The following ROBO2 variants were observed in gnomAD, a reference collection of about 807,000 sequenced individuals.
ROBO2 encodes the protein roundabout guidance receptor 2.
In ROBO2, 53 loss-of-function variants were observed where a neutral mutation model predicts 160.8. The ratio of observed to expected loss-of-function variants is 0.33; its 90% CI spans 0.26 to 0.41. The LOEUF (loss-of-function observed/expected upper bound fraction) is 0.41, where lower values mean the gene tolerates loss of function less well. Ranked by LOEUF, ROBO2 falls within the 10% of genes least tolerant of loss-of-function variation. The pLI, the probability that ROBO2 is intolerant of heterozygous loss-of-function variation, is 1.00. For synonymous variants in ROBO2, 664 were observed against 611.7 expected (o/e 1.09, Z -1.26); for missense variants, 1,577 against 1,722.4 (o/e 0.92, Z 1.49).
intron 2 of ROBO2, among the ~76,000 whole-genome samples, chr3:77,418,872 G>A (rs540447740): frequency 1.3e-5 from 2 of 152,110 alleles, no homozygotes; most frequent in South Asian, 2.1e-4. Flanking sequence ...TGCAGATTAT[G>A]AAGGAAGACC....
chr3:76,472,634 T>G (rs2078726570), intron 2 of ROBO2, among the ~76,000 whole-genome samples: 2 of 152,210 alleles, frequency 1.3e-5, no homozygotes, highest in African/African-American at 4.8e-5. Context: ...ATCTTTAATT[T>G]TTTACCCACT....
chr3:76,517,175 G>A (rs937204094), intron 2 of ROBO2, among the ~76,000 whole-genome samples: 1 of 152,106 alleles, frequency 6.6e-6, no homozygotes, highest in Non-Finnish European at 1.5e-5. Context: ...GCGTGCATGT[G>A]AATATATATT....
intron 2 of ROBO2, among the ~76,000 whole-genome samples, chr3:76,425,194 CT>C (rs929761945): frequency 0.015 from 2,178 of 148,710 alleles, 46 homozygotes; most frequent in African/African-American, 0.051. Context: ...AGGATTCTGC[CT>C]TTTTTTTTTC....
intron 2 of ROBO2, among the ~76,000 whole-genome samples, chr3:77,138,052 C>G (rs7433243): frequency 0.039 from 6,009 of 152,148 alleles, 158 homozygotes; most frequent in South Asian, 0.077. Flanking sequence ...CTACCAGGAA[C>G]CTTCCTTCTT....
intron 2 of ROBO2, among the ~76,000 whole-genome samples, chr3:76,256,991 G>A (rs996486239): frequency 1.3e-5 from 2 of 151,876 alleles, no homozygotes. Flanking sequence ...ACTCACTACC[G>A]AGAGGACAGC....
intron 2 of ROBO2, among the ~76,000 whole-genome samples, chr3:76,752,531 G>C (rs1349554025): frequency 6.6e-6 from 1 of 151,750 alleles, no homozygotes; most frequent in Non-Finnish European, 1.5e-5. Flanking sequence ...TAGTCCAGAA[G>C]TGTTCAAGAT....
chr3:76,442,557 G>C (rs948435312), intron 2 of ROBO2, among the ~76,000 whole-genome samples: 1 of 152,070 alleles, frequency 6.6e-6, no homozygotes, highest in African/African-American at 2.4e-5. Context: ...CTTTATTCAC[G>C]GTTTCACTTT....
At chr3:76,429,732 A>G (rs1486873210) in intron 2 of ROBO2, among the ~76,000 whole-genome samples, 1 of 152,202 alleles carries the variant, frequency 6.6e-6, no homozygotes, top group East Asian at 1.9e-4. Flanking sequence ...TGCAACTTCA[A>G]CATTCTTCAA....
intron 19 of ROBO2, among the ~76,000 whole-genome samples, chr3:77,598,438 T>TATATATATATTTATTTATATAGA (rs1559695546): frequency 2.7e-5 from 4 of 147,408 alleles, no homozygotes; most frequent in African/African-American, 9.9e-5. Flanking sequence ...TAGATGAATA[T>TATATATATATTTATTTATATAGA]ATATATATAT....
chr3:77,512,220 T>C (rs1253993386), intron 5 of ROBO2, among the ~76,000 whole-genome samples: 3 of 151,970 alleles, frequency 2.0e-5, no homozygotes, highest in Admixed American at 6.6e-5. Context: ...GAAAGCATCA[T>C]ATGGAATTAG....
intron 2 of ROBO2, among the ~76,000 whole-genome samples, chr3:76,002,099 A>T (rs1030269337): frequency 6.6e-6 from 1 of 152,148 alleles, no homozygotes; most frequent in Non-Finnish European, 1.5e-5. Flanking sequence ...CCCTTCAGCA[A>T]ATAATGAGGC....
intron 2 of ROBO2, among the ~76,000 whole-genome samples, chr3:77,337,894 A>G (rs893201407): frequency 2.0e-5 from 3 of 152,178 alleles, no homozygotes; most frequent in African/African-American, 7.2e-5. Flanking sequence ...TCCTTGGCAG[A>G]AAACATTCCA....
chr3:76,398,241 T>C (rs13087589), intron 2 of ROBO2, among the ~76,000 whole-genome samples: 18,428 of 149,400 alleles, frequency 0.12, 1,221 homozygotes, highest in Non-Finnish European at 0.15. Flanking sequence ...AACCAAACAC[T>C]GCATGTTCTC....
intron 2 of ROBO2, among the ~76,000 whole-genome samples, chr3:76,033,959 C>CAA (rs1235242967): frequency 1.3e-5 from 2 of 152,170 alleles, no homozygotes; most frequent in African/African-American, 2.4e-5. Context: ...TACCTGAGCT[C>CAA]AAAAGTCCTA....
intron 2 of ROBO2, among the ~76,000 whole-genome samples, chr3:76,509,988 G>A (rs1265225234): frequency 6.6e-6 from 1 of 151,944 alleles, no homozygotes; most frequent in Non-Finnish European, 1.5e-5. Flanking sequence ...ACTCTCCCAG[G>A]CCCATTCAGG....
chr3:76,967,824 C>T (rs1478608365), intron 2 of ROBO2, among the ~76,000 whole-genome samples: 2 of 152,090 alleles, frequency 1.3e-5, no homozygotes, highest in East Asian at 3.9e-4. Context: ...GGTTTATAGG[C>T]CTGAGCCGTG....
At chr3:76,216,243 C>G (rs907280685) in intron 2 of ROBO2, among the ~76,000 whole-genome samples, 4 of 152,148 alleles carry the variant, frequency 2.6e-5, no homozygotes, top group Non-Finnish European at 5.9e-5. Flanking sequence ...TAGGAAGAAA[C>G]TGCATCAACT....
At chr3:76,266,856 A>G (rs1047347306) in intron 2 of ROBO2, among the ~76,000 whole-genome samples, 2 of 152,162 alleles carry the variant, frequency 1.3e-5, no homozygotes, top group East Asian at 1.9e-4. Flanking sequence ...GTAAAACCCC[A>G]TGTATTAAGT....
chr3:76,204,267 G>T (rs997703852), intron 2 of ROBO2, among the ~76,000 whole-genome samples: 16 of 152,066 alleles, frequency 1.1e-4, no homozygotes, highest in Non-Finnish European at 1.2e-4. Flanking sequence ...GAATTGAGGA[G>T]AAAATAATAA....
Sources: allele counts gnomAD v4.1 joint callset (sites outside exome capture counted in the v4.1 genomes callset), GRCh38; gene constraint gnomAD v4.1.1; transcripts MANE v1.5; gene names NCBI Gene and HGNC (gene_info 2026-07-23, HGNC 2026-07-21).